The following FYN variants were observed in gnomAD, a reference collection of about 807,000 sequenced individuals.
FYN encodes the protein FYN proto-oncogene, Src family tyrosine kinase, also known as tyrosine-protein kinase Fyn.
In FYN, 10 loss-of-function variants were observed where a neutral mutation model predicts 70.2. The observed-to-expected ratio is 0.14, with a 90% CI of 0.09 to 0.24. The LOEUF is 0.24. Among genes scored for constraint, FYN ranks in the 10% least tolerant of loss-of-function variants. FYN has a pLI of 1.00. For missense variants in FYN, 319 were observed against 673.1 expected (o/e 0.47, Z 5.82); for synonymous variants, 236 against 248.6 (o/e 0.95, Z 0.48).
At chr6:111,719,323 AAAAG>A in intron 4 of FYN, among the ~76,000 whole-genome samples, 2 of 152,250 alleles carry the variant, frequency 1.3e-5, no homozygotes, top group East Asian at 1.9e-4. Context: ...AAAAAAAAAA[AAAAG>A]AAAGGCAGGC....
chr6:111,712,242 A>G (rs1440078838), intron 5 of FYN, among the ~76,000 whole-genome samples: 3 of 152,200 alleles, frequency 2.0e-5, no homozygotes, highest in Non-Finnish European at 4.4e-5. Context: ...CACTCTTACT[A>G]TTCCTTGGTT....
intron 3 of FYN, chr6:111,740,881 G>A (rs1487257877): frequency 1.3e-5 from 2 of 152,228 alleles, no homozygotes; most frequent in African/African-American, 2.4e-5. Context: ...GGTGGAGGCA[G>A]GTAGATCATT....
chr6:111,695,662 T>C (rs1034288422), intron 10 of FYN, among the ~76,000 whole-genome samples: 1 of 152,232 alleles, frequency 6.6e-6, no homozygotes, highest in African/African-American at 2.4e-5. Context: ...ATGTATTGCC[T>C]TTTAAGGCTG....
intron 3 of FYN, among the ~76,000 whole-genome samples, chr6:111,751,447 A>C (rs967355788): frequency 7.2e-6 from 1 of 138,490 alleles, no homozygotes; most frequent in Non-Finnish European, 1.5e-5. Context: ...CAAAAACAAC[A>C]AACAATTAAC....
rs1774341777 is a variant in FYN, at chr6:111,873,255, C to A, written c.-410G>T. ...CGCGCCCGGGCGGGAGAGGACGCGC[C>A]GCTCGCACAACAACCTCGCCTCTAC... is the stretch of plus-strand genomic sequence containing the variant. On this transcript the variant is annotated 5_prime_UTR_variant, in exon 1 of 14. Transcript: ENST00000354650. 1 of 149,980 alleles carries A rather than the reference C, an allele frequency of 6.7e-6. No homozygotes were observed. The highest frequency in any genetic ancestry group is 1.5e-5 in the Non-Finnish European group (1 of 67,240). 9.3% of individuals were successfully genotyped at this position (149,980 alleles called of 1,614,324 possible).
At chr6:111,680,795 A>G (rs1798747195) in intron 12 of FYN, among the ~76,000 whole-genome samples, 1 of 152,220 alleles carries the variant, frequency 6.6e-6, no homozygotes, top group Admixed American at 6.5e-5. Flanking sequence ...GTAACAAAGC[A>G]GTAAAACTTA....
At chr6:111,769,696 T>C (rs1583426179) in intron 3 of FYN, among the ~76,000 whole-genome samples, 1 of 151,996 alleles carries the variant, frequency 6.6e-6, no homozygotes, top group African/African-American at 2.4e-5. Context: ...TATGAATCCA[T>C]TGATTAAGAT....
chr6:111,858,870 T>C lies in FYN; in HGVS notation c.-122-12241A>G, dbSNP rs553033339. 3.3e-5 allele frequency among the ~76,000 whole-genome samples: 5 copies of C among 151,064 alleles called. No homozygotes were observed. In the South Asian group the frequency reaches 6.3e-4, roughly 19 times the overall value. On this transcript the variant is annotated intron_variant, in intron 1 of 13. Coordinates refer to ENST00000354650, the MANE Select transcript of FYN (RefSeq NM_002037.5). The stretch of plus-strand genomic sequence containing the variant: ...AAAAAAAAAAAAAAAGTGCAACACA[T>C]TGACAGGCCATTCTCCTAGAAGATA...
chr6:111,849,285 C>T (rs1773617841), intron 1 of FYN, among the ~76,000 whole-genome samples: 1 of 152,202 alleles, frequency 6.6e-6, no homozygotes, highest in Non-Finnish European at 1.5e-5. Context: ...TGAACTACTT[C>T]CAACTGCCTA....
intron 3 of FYN, among the ~76,000 whole-genome samples, chr6:111,723,239 T>C (rs1283856419): frequency 6.6e-6 from 1 of 152,170 alleles, no homozygotes; most frequent in East Asian, 1.9e-4. Flanking sequence ...TATAATTTTA[T>C]GAAGTAATAG....
chr6:111,839,636 A>G (rs953865266), intron 2 of FYN, among the ~76,000 whole-genome samples: 2 of 152,192 alleles, frequency 1.3e-5, no homozygotes, highest in South Asian at 2.1e-4. Flanking sequence ...TATAAAGGCA[A>G]TGTATCCAGG....
At chr6:111,776,961 C>T (rs1770965751) in intron 3 of FYN, among the ~76,000 whole-genome samples, 1 of 152,196 alleles carries the variant, frequency 6.6e-6, no homozygotes, top group Admixed American at 6.5e-5. Flanking sequence ...GTAATGAGAT[C>T]TCTCTCCTCC....
At chr6:111,832,831 AT>A (rs1773064258) in intron 2 of FYN, among the ~76,000 whole-genome samples, 2 of 152,194 alleles carry the variant, frequency 1.3e-5, no homozygotes, top group Admixed American at 6.5e-5. Flanking sequence ...TGACAGAAAT[AT>A]TTTGAAAATG....
chr6:111,706,404 G>A (rs1240803836), intron 6 of FYN, among the ~76,000 whole-genome samples: 2 of 152,206 alleles, frequency 1.3e-5, no homozygotes, highest in Non-Finnish European at 2.9e-5. Context: ...TGTGAATTAA[G>A]TTTCACTGAA....
chr6:111,720,120 C>T (rs1180286990), intron 3 of FYN, 58 bp from the exon 4 acceptor site: 13 of 1,527,584 alleles, frequency 8.5e-6, no homozygotes, highest in Non-Finnish European at 1.1e-5. Context: ...TGCTGGGTTG[C>T]TCTACAGTAA....
At position 111,694,544 on chromosome 6, in the gene FYN, G is replaced by C; in HGVS notation, c.1120-16C>G. The C allele has an allele frequency of 6.2e-7, 1 of 1,614,096 alleles. No homozygotes were observed. The highest frequency in any genetic ancestry group is 1.3e-5 in the African/African-American group (1 of 75,028). ...CTGCAGCCACCTGTGGAAACCCAGG[G>C]AACAGGACATGTTACACCACGACCC... is the stretch of plus-strand genomic sequence containing the variant. On this transcript the variant is annotated splice_polypyrimidine_tract_variant and intron_variant, in intron 11 of 13. Transcript: ENST00000354650. This position sits in a 1 kb window ranked among gnomAD's most constrained non-coding sequence, Gnocchi z 5.0.
intron 6 of FYN, among the ~76,000 whole-genome samples, chr6:111,706,702 A>C (rs756653545): frequency 2.6e-5 from 4 of 152,272 alleles, no homozygotes; most frequent in Non-Finnish European, 4.4e-5. Flanking sequence ...TATTCTTTAA[A>C]AACAAAATAT....
chr6:111,853,818 T>C (rs1466492882), intron 1 of FYN, among the ~76,000 whole-genome samples: 1 of 152,186 alleles, frequency 6.6e-6, no homozygotes, highest in African/African-American at 2.4e-5. Context: ...GGAGTTTCAC[T>C]GTGTTGCCCA....
intron 4 of FYN, 157 bp downstream of exon 4, chr6:111,719,648 C>G: frequency 1.2e-6 from 1 of 853,084 alleles, no homozygotes; most frequent in Non-Finnish European, 1.8e-6. Flanking sequence ...CAAACTCTGG[C>G]TTTTCTTACA....
Sources: allele counts gnomAD v4.1 joint callset (sites outside exome capture counted in the v4.1 genomes callset), GRCh38; gene constraint gnomAD v4.1.1; non-coding constraint Gnocchi (gnomAD v3.1); transcripts MANE v1.5; gene names NCBI Gene and HGNC (gene_info 2026-07-23, HGNC 2026-07-21).